Variants in KIAA1217 observed in about 807,000 individuals in gnomAD.
KIAA1217 encodes sickle tail protein homolog.
A neutral mutation model predicts 163.9 loss-of-function variants in KIAA1217; 88 were observed. That is an observed-to-expected ratio of 0.54 (90% CI 0.45 to 0.64). KIAA1217 has a LOEUF of 0.64. KIAA1217 is among the 30% of genes least tolerant of loss of function. The pLI, the probability that KIAA1217 is intolerant of heterozygous loss-of-function variation, is 0.00. For synonymous variants in KIAA1217, 903 were observed against 923.1 expected (o/e 0.98, Z 0.39); for missense variants, 2,372 against 2,475.0 (o/e 0.96, Z 0.88).
intron 2 of KIAA1217, among the ~76,000 whole-genome samples, chr10:24,361,634 C>A (rs1463794985): frequency 6.6e-6 from 1 of 152,132 alleles, no homozygotes; most frequent in African/African-American, 2.4e-5. Flanking sequence ...TCATGCAGGG[C>A]CTCCTTGTAG....
chr10:23,781,793 T>C (rs934861233), intron 1 of KIAA1217, among the ~76,000 whole-genome samples: 5 of 152,134 alleles, frequency 3.3e-5, no homozygotes, highest in African/African-American at 1.2e-4. Flanking sequence ...ATATAGATAT[T>C]TAGTTTTCCC....
Position 24,473,528 on chromosome 10 carries a change from A to G in KIAA1217, c.1147A>G (p.Asn383Asp), listed in dbSNP as rs1282487092. Residue 383 changes from asparagine to aspartate, a missense_variant, in exon 6 of 21, where the codon AAC becomes GAC. Physicochemically the swap from Asn to Asp is conservative, Grantham distance 23 (BLOSUM62 1). This residue lies in a region of KIAA1217 where 1,431 missense variants were observed against 1,470.3 expected (regional missense o/e 0.97). Coordinates refer to ENST00000376454, the MANE Select transcript of KIAA1217 (RefSeq NM_019590.5). ...VKPDEDMSGK[N>D]IAMYRNEGFY... ...GCCTGATGAAGACATGAGTGGCAAA[A>G]ACATTGCAATGTACAGAAATGAGGG... 3 of 1,613,854 alleles carry G rather than the reference A, an allele frequency of 1.9e-6. No homozygotes were observed. In the East Asian group the frequency reaches 6.7e-5, roughly 36 times the overall value.
intron 2 of KIAA1217, among the ~76,000 whole-genome samples, chr10:24,010,219 AGT>A (rs1312904483): frequency 6.6e-6 from 1 of 152,106 alleles, no homozygotes; most frequent in Non-Finnish European, 1.5e-5. Flanking sequence ...AAAAAAAAAA[AGT>A]CAATGATTAC....
At chr10:23,712,421 A>G (rs1837317935) in intron 1 of KIAA1217, among the ~76,000 whole-genome samples, 3 of 151,798 alleles carry the variant, frequency 2.0e-5, no homozygotes, top group African/African-American at 7.3e-5. Flanking sequence ...AGCCAAGTCA[A>G]TGAACATCTT....
Position 24,545,395 on chromosome 10 carries a change from T to A in KIAA1217, c.5334+292T>A, listed in dbSNP as rs1182423095. 11 of 1,328,564 alleles carry A rather than the reference T, an allele frequency of 8.3e-6. No homozygotes were observed. The East Asian group carries it at 1.5e-4, about 19-fold the overall frequency. The allele number at this position is 1,328,564 out of a possible 1,614,324, so 82.3% of individuals were successfully genotyped here. A position where few individuals can be genotyped will look rare whatever the true frequency, so the allele number is the denominator to read the frequency against. On this transcript the variant is annotated intron_variant, in intron 20 of 20. Transcript: ENST00000376454. ...TCTTTGGTGAATGTAGTGTTTCATC[T>A]GAACACCTCGGGAAGCAGAGACAAA...
At chr10:24,517,534 A>T (rs576011030) in intron 10 of KIAA1217, among the ~76,000 whole-genome samples, 1 of 152,322 alleles carries the variant, frequency 6.6e-6, no homozygotes, top group East Asian at 1.9e-4. Flanking sequence ...GGAATATCAG[A>T]ACAGTGATAT....
intron 2 of KIAA1217, among the ~76,000 whole-genome samples, chr10:24,132,858 T>A (rs2063703926): frequency 1.3e-5 from 2 of 152,176 alleles, no homozygotes; most frequent in Admixed American, 1.3e-4. Context: ...ACTTCAACAG[T>A]ACCATTTTGA....
chr10:24,474,629 G>A (rs963210640), intron 6 of KIAA1217, among the ~76,000 whole-genome samples: 3 of 152,164 alleles, frequency 2.0e-5, no homozygotes, highest in Non-Finnish European at 4.4e-5. Flanking sequence ...ATCTAGGAGT[G>A]GTGCTGAAAT....
intron 2 of KIAA1217, among the ~76,000 whole-genome samples, chr10:24,037,922 T>C (rs892698787): frequency 1.3e-5 from 2 of 152,244 alleles, no homozygotes; most frequent in Non-Finnish European, 2.9e-5. Context: ...TGATTATTCA[T>C]TTCTTATTTT....
intron 6 of KIAA1217, among the ~76,000 whole-genome samples, chr10:24,489,920 C>T (rs1318300393): frequency 6.7e-6 from 1 of 149,268 alleles, no homozygotes; most frequent in African/African-American, 2.4e-5. Flanking sequence ...TAAAAATCAT[C>T]CCCTAAACAC....
intron 5 of KIAA1217, among the ~76,000 whole-genome samples, chr10:24,459,192 C>T (rs1348370780): frequency 6.6e-6 from 1 of 152,194 alleles, no homozygotes; most frequent in African/African-American, 2.4e-5. Flanking sequence ...TTTCCTATCC[C>T]TTGTCCTTGA....
intron 1 of KIAA1217, among the ~76,000 whole-genome samples, chr10:23,753,223 T>C (rs187222783): frequency 1.3e-5 from 2 of 152,254 alleles, no homozygotes; most frequent in East Asian, 1.9e-4. Context: ...ACCAGTGGCA[T>C]TGGTTATAAG....
chr10:24,216,706 A>G (rs1378418924), intron 1 of KIAA1217, among the ~76,000 whole-genome samples: 1 of 151,436 alleles, frequency 6.6e-6, no homozygotes, highest in Non-Finnish European at 1.5e-5. Flanking sequence ...GCACGGCTGT[A>G]ATCTCAGCTA....
chr10:24,447,530 G>C (rs770738635), intron 5 of KIAA1217, among the ~76,000 whole-genome samples: 2 of 152,134 alleles, frequency 1.3e-5, no homozygotes, highest in Non-Finnish European at 2.9e-5. Flanking sequence ...TCAGCTCTAA[G>C]CTTCTCAGGG....
intron 1 of KIAA1217, among the ~76,000 whole-genome samples, chr10:23,721,505 T>C (rs1008298458): frequency 4.6e-5 from 7 of 152,040 alleles, no homozygotes; most frequent in Non-Finnish European, 1.5e-5. Flanking sequence ...CATAAACTCC[T>C]ACAATTGCTT....
intron 1 of KIAA1217, among the ~76,000 whole-genome samples, chr10:23,721,147 AGTTTC>A (rs1336347218): frequency 1.3e-5 from 2 of 152,212 alleles, no homozygotes; most frequent in African/African-American, 4.8e-5. Context: ...GAAATTAGCC[AGTTTC>A]CCTGAGCGTG....
At chr10:24,509,461 C>T (rs559049711) in intron 9 of KIAA1217, among the ~76,000 whole-genome samples, 80 of 152,346 alleles carry the variant, frequency 5.3e-4, no homozygotes, top group African/African-American at 1.9e-3. Context: ...GCCTCTCCCT[C>T]TCCTCCTCTT....
At chr10:24,274,464 A>G (rs2077072588) in intron 2 of KIAA1217, among the ~76,000 whole-genome samples, 1 of 152,196 alleles carries the variant, frequency 6.6e-6, no homozygotes, top group Non-Finnish European at 1.5e-5. Flanking sequence ...AAAAAAAGTA[A>G]AAAAGATGAA....
At chr10:24,310,674 T>C (rs555123351) in intron 2 of KIAA1217, among the ~76,000 whole-genome samples, 3 of 152,222 alleles carry the variant, frequency 2.0e-5, no homozygotes, top group Admixed American at 6.5e-5. Flanking sequence ...CCTCTAACAC[T>C]CAGTCCCTTT....
Sources: gnomAD v4.1 joint callset for allele counts (sites outside exome capture counted in the v4.1 genomes callset) on GRCh38, gnomAD v4.1.1 for gene constraint, gnomAD v4.1.1 regional missense constraint, MANE v1.5 for transcripts, NCBI Gene and HGNC (gene_info 2026-07-23, HGNC 2026-07-21) for gene names.